UTP20: variants seen among roughly 807,000 people sequenced by gnomAD.
UTP20 encodes UTP20 small subunit processome component, also known as small subunit processome component 20 homolog.
A neutral mutation model predicts 329.5 loss-of-function variants in UTP20; 164 were observed. The ratio of observed to expected loss-of-function variants is 0.50; its 90% CI spans 0.44 to 0.57. UTP20 has a LOEUF of 0.57. Ranked by LOEUF, UTP20 falls within the 20% of genes least tolerant of loss-of-function variation. The pLI, the probability that UTP20 is intolerant of heterozygous loss-of-function variation, is 0.00. For missense variants in UTP20, 3,055 were observed against 3,284.2 expected (o/e 0.93, Z 1.71); for synonymous variants, 1,151 against 1,159.3 (o/e 0.99, Z 0.14).
chr12:101,309,123 T>G (rs1872714779), intron 18 of UTP20, among the ~76,000 whole-genome samples: 1 of 152,144 alleles, frequency 6.6e-6, no homozygotes, highest in African/African-American at 2.4e-5. Context: ...AAAGGAGGCA[T>G]TCTCCCTTCA....
At chr12:101,354,261 C>CAAAAAAAAAAAAAAAAA (rs71091489) in intron 40 of UTP20, among the ~76,000 whole-genome samples, 2 of 80,010 alleles carry the variant, frequency 2.5e-5, no homozygotes, top group Non-Finnish European at 5.7e-5. Context: ...GACTCTGTCT[C>CAAAAAAAAAAAAAAAAA]AAAAAAAAAA....
intron 51 of UTP20, 67 bp from the exon 52 acceptor site, chr12:101,372,817 G>A: frequency 7.4e-7 from 1 of 1,342,616 alleles, no homozygotes; most frequent in Non-Finnish European, 1.1e-6. Flanking sequence ...GTTCCAGAAA[G>A]CAGCTTAGGA....
chr12:101,370,350 G>C (rs190133925), intron 49 of UTP20, 82 bp from the exon 50 acceptor site: 9 of 1,448,476 alleles, frequency 6.2e-6, no homozygotes, highest in Non-Finnish European at 8.4e-6. Flanking sequence ...GCATACTTGT[G>C]TGTTGTGTTA....
intron 2 of UTP20, among the ~76,000 whole-genome samples, chr12:101,285,311 C>T (rs1189996643): frequency 1.3e-5 from 2 of 152,024 alleles, no homozygotes; most frequent in Non-Finnish European, 2.9e-5. Context: ...AATAATTTTC[C>T]CTTAGTGGAC....
chr12:101,290,599 A>G, intron 7 of UTP20, 134 bp from the exon 8 acceptor site: 1 of 986,680 alleles, frequency 1.0e-6, no homozygotes, highest in Non-Finnish European at 1.4e-6. Context: ...GTTATTAACC[A>G]TCAAAGTTGC....
chr12:101,310,892 G>A lies in UTP20; in HGVS notation c.2232-827G>A, dbSNP rs532696881. ...AGCCATCAAAACCAGTGTGCCAAAAGCAAGATTCTCCCAACATCAGCTTCA... is the reference window on the plus strand; with the variant it reads ...AGCCATCAAAACCAGTGTGCCAAAAACAAGATTCTCCCAACATCAGCTTCA... On this transcript the variant is annotated intron_variant, in intron 19 of 61. Transcript: ENST00000261637. Among the ~76,000 whole-genome samples, 17 of 152,240 alleles carry A rather than the reference G, an allele frequency of 1.1e-4. No homozygotes were observed. In the South Asian group the frequency reaches 2.9e-3, roughly 26 times the overall value.
At chr12:101,304,463 A>G (rs1385965040) in intron 15 of UTP20, among the ~76,000 whole-genome samples, 1 of 152,168 alleles carries the variant, frequency 6.6e-6, no homozygotes, top group African/African-American at 2.4e-5. Context: ...TACTGTTATC[A>G]GTATAGATGG....
chr12:101,354,261 CAAAA>C (rs71091489), intron 40 of UTP20, among the ~76,000 whole-genome samples: 4 of 80,008 alleles, frequency 5.0e-5, no homozygotes, highest in Non-Finnish European at 1.1e-4. Context: ...GACTCTGTCT[CAAAA>C]AAAAAAAAAA....
At chr12:101,285,905 C>A in intron 4 of UTP20, 24 bp downstream of exon 4, 1 of 1,609,894 alleles carries the variant, frequency 6.2e-7, no homozygotes, top group Non-Finnish European at 8.5e-7. Flanking sequence ...TGAGAGAAAG[C>A]TCACAACTAT....
At chr12:101,342,132 G>A (rs887073807) in intron 32 of UTP20, among the ~76,000 whole-genome samples, 8 of 151,954 alleles carry the variant, frequency 5.3e-5, no homozygotes, top group Admixed American at 5.3e-4. Context: ...AGTCCCCCTT[G>A]GATACCGAGG....
intron 24 of UTP20, among the ~76,000 whole-genome samples, chr12:101,321,180 T>C (rs1244485048): frequency 6.6e-6 from 1 of 152,226 alleles, no homozygotes; most frequent in African/African-American, 2.4e-5. Flanking sequence ...TTTCCTCTTC[T>C]TATTAATATA....
intron 41 of UTP20, among the ~76,000 whole-genome samples, chr12:101,356,262 G>T (rs1869717458): frequency 6.6e-6 from 1 of 152,106 alleles, no homozygotes; most frequent in African/African-American, 2.4e-5. Flanking sequence ...AAGTAGCTGG[G>T]ATTACAGGCA....
intron 43 of UTP20, among the ~76,000 whole-genome samples, chr12:101,359,399 A>G (rs1274871481): frequency 6.7e-6 from 1 of 149,198 alleles, no homozygotes; most frequent in Non-Finnish European, 1.5e-5. Context: ...CCTGCAGTGC[A>G]CTCTTTCTCC....
chr12:101,383,540 C>G lies in UTP20; in HGVS notation c.7930-3C>G. On this transcript the variant is annotated splice_region_variant and splice_polypyrimidine_tract_variant and intron_variant, in intron 59 of 61. Coordinates refer to ENST00000261637, the MANE Select transcript of UTP20 (RefSeq NM_014503.3). ...AAATGAAAAAAATGATCTGTACTTT[C>G]AGAGAACATGCATCTTTAAGTTCCT... 6.2e-7 allele frequency: 1 copy of G among 1,612,074 alleles called. No individual in the cohort carries two copies. Among genetic ancestry groups the G allele is most frequent in the Non-Finnish European group, 8.5e-7 (1 of 1,179,226 alleles).
At chr12:101,368,338 G>C (rs1432142025) in intron 48 of UTP20, among the ~76,000 whole-genome samples, 1 of 151,828 alleles carries the variant, frequency 6.6e-6, no homozygotes, top group Non-Finnish European at 1.5e-5. Flanking sequence ...TCATCTTGTT[G>C]GCCAGACTGG....
intron 19 of UTP20, among the ~76,000 whole-genome samples, chr12:101,310,258 A>T (rs1327858391): frequency 1.3e-5 from 2 of 152,048 alleles, no homozygotes; most frequent in Non-Finnish European, 2.9e-5. Context: ...TAGCCCCAAA[A>T]TGTCTTCAGT....
chr12:101,283,699 C>T (rs1053945309), intron 2 of UTP20, among the ~76,000 whole-genome samples: 1 of 152,020 alleles, frequency 6.6e-6, no homozygotes, highest in Non-Finnish European at 1.5e-5. Flanking sequence ...AAAACAACAA[C>T]AAAAAAATTT....
At position 101,327,149 on chromosome 12, in the gene UTP20, G is replaced by A. The variant is rs758445591; in HGVS notation, c.3110G>A (p.Arg1037His). ...CAGGGGAAATCTGCTTCAGGCACCC[G>A]CATGGCCATTGTCCTGCGGTTCCTG... ...KTQGKSASGT[R>H]MAIVLRFLAG... The change falls in exon 26 of 62, where the codon CGC (arginine) becomes CAC (histidine). Residue 1037 changes from arginine to histidine, a missense_variant. Physicochemically the swap from Arg to His is conservative, Grantham distance 29. Coordinates refer to ENST00000261637, the MANE Select transcript of UTP20 (RefSeq NM_014503.3). 2.5e-5 allele frequency: 40 copies of A among 1,612,846 alleles called. No individual in the cohort carries two copies. Among genetic ancestry groups the A allele is most frequent in the Admixed American group, 3.3e-5 (2 of 59,956 alleles).
In UTP20 at chr12:101,291,850, A is replaced by C. The variant is rs141602307; in HGVS notation, c.1000A>C (p.Ser334Arg). 7 of 1,613,880 alleles carry C rather than the reference A, an allele frequency of 4.3e-6. No homozygotes were observed. The highest frequency in any genetic ancestry group is 5.9e-6 in the Non-Finnish European group (7 of 1,179,910). ...ATACCTTATACTTGTAAAACATGGA[A>C]GTGGGACAAAGATACCCACGCCTGC... ...ETYLILVKHG[S>R]GTKIPTPADV... is the part of the protein sequence containing the mutation. The change falls in exon 9 of 62, where the codon AGT becomes CGT. Residue 334 changes from serine (S) to arginine (R), a missense_variant. Ser to Arg is a moderately radical substitution (Grantham distance 110). This residue lies in a region of UTP20 where 2,445 missense variants were observed against 2,575.5 expected (regional missense o/e 0.95). Coordinates refer to ENST00000261637, the MANE Select transcript of UTP20 (RefSeq NM_014503.3).
Sources: gnomAD v4.1 joint callset for allele counts (sites outside exome capture counted in the v4.1 genomes callset) on GRCh38, gnomAD v4.1.1 for gene constraint, gnomAD v4.1.1 regional missense constraint, MANE v1.5 for transcripts, NCBI Gene and HGNC (gene_info 2026-07-23, HGNC 2026-07-21) for gene names.